Variants in RTN4IP1 observed in about 807,000 individuals in gnomAD.
The protein encoded by RTN4IP1 is reticulon 4 interacting protein 1.
RTN4IP1 carries 32 observed loss-of-function variants against 46.6 expected under a neutral mutation model. That is an observed-to-expected ratio of 0.69 (90% CI 0.52 to 0.92). RTN4IP1 has a LOEUF of 0.92. Among genes scored for constraint, RTN4IP1 ranks in the 40% least tolerant of loss-of-function variants. RTN4IP1 has a pLI of 0.00. For synonymous variants in RTN4IP1, 167 were observed against 161.8 expected (o/e 1.03, Z -0.24); for missense variants, 424 against 485.8 (o/e 0.87, Z 1.20).
chr6:106,616,407 G>T (rs1218475996), intron 4 of RTN4IP1, among the ~76,000 whole-genome samples: 1 of 152,098 alleles, frequency 6.6e-6, no homozygotes, highest in Non-Finnish European at 1.5e-5. Flanking sequence ...TAAGCTGTTT[G>T]TTATAAAGAA....
intron 8 of RTN4IP1, among the ~76,000 whole-genome samples, chr6:106,582,488 T>C (rs1775393097): frequency 6.6e-6 from 1 of 152,256 alleles, no homozygotes; most frequent in Non-Finnish European, 1.5e-5. Flanking sequence ...TCTGCAAGTT[T>C]GAGCATGCCC....
intron 7 of RTN4IP1, among the ~76,000 whole-genome samples, chr6:106,585,413 CAGA>C (rs149982669): frequency 0.02 from 3,119 of 152,292 alleles, 112 homozygotes; most frequent in African/African-American, 0.07. Flanking sequence ...ATGACAATCA[CAGA>C]AGATCTGTTC....
intron 4 of RTN4IP1, among the ~76,000 whole-genome samples, chr6:106,618,196 C>T (rs546782406): frequency 1.5e-3 from 230 of 152,168 alleles, no homozygotes; most frequent in African/African-American, 5.3e-3. Context: ...TATCACCGAA[C>T]ACATTAAATG....
rs190777968 is a variant in RTN4IP1 at position 106,591,051 on chromosome 6, C to T, written c.806+1113G>A. 5.3e-5 allele frequency among the ~76,000 whole-genome samples: 8 copies of T among 152,332 alleles called. No homozygotes were observed. The East Asian group carries it at 1.5e-3, about 29-fold the overall frequency. ...TGGAGGGATACAGCAGGGAGCAACA[C>T]ACAAACACACAAATCCCATTCATTT... On this transcript the variant is annotated intron_variant, in intron 6 of 8. Transcript: ENST00000369063.
At chr6:106,624,328 A>T (rs1776575172) in intron 1 of RTN4IP1, among the ~76,000 whole-genome samples, 1 of 152,072 alleles carries the variant, frequency 6.6e-6, no homozygotes, top group East Asian at 1.9e-4. Context: ...TGCTGGGATT[A>T]CAGGTGTAAG....
At chr6:106,602,116 A>G (rs1040518076) in intron 5 of RTN4IP1, among the ~76,000 whole-genome samples, 2 of 152,174 alleles carry the variant, frequency 1.3e-5, no homozygotes, top group Admixed American at 6.5e-5. Context: ...CCATTGATCT[A>G]TAAGTTCACC....
At chr6:106,584,045 T>A (rs564975642) in intron 7 of RTN4IP1, among the ~76,000 whole-genome samples, 1 of 152,320 alleles carries the variant, frequency 6.6e-6, no homozygotes, top group African/African-American at 2.4e-5. Context: ...CAAATGAAGA[T>A]GAGTACAAAT....
chr6:106,623,042 G>A, intron 1 of RTN4IP1, 73 bp from the exon 2 acceptor site: 1 of 1,443,110 alleles, frequency 6.9e-7, no homozygotes, highest in Non-Finnish European at 9.5e-7. Flanking sequence ...CAGGGTTATA[G>A]TCCAGTACAA....
chr6:106,606,628 T>C (rs1215035723), intron 4 of RTN4IP1, among the ~76,000 whole-genome samples: 4 of 151,818 alleles, frequency 2.6e-5, no homozygotes, highest in Non-Finnish European at 5.9e-5. Context: ...CAAAGAGGGC[T>C]AGGCACGGTG....
At chr6:106,604,322 G>T (rs1776009562) in intron 4 of RTN4IP1, among the ~76,000 whole-genome samples, 1 of 152,096 alleles carries the variant, frequency 6.6e-6, no homozygotes, top group East Asian at 1.9e-4. Context: ...CTTCCAAATT[G>T]TGTTCCTTCT....
At chr6:106,573,431 G>A (rs998579974) in intron 8 of RTN4IP1, among the ~76,000 whole-genome samples, 10 of 152,310 alleles carry the variant, frequency 6.6e-5, no homozygotes, top group Admixed American at 2.6e-4. Flanking sequence ...CACCAGAAGA[G>A]CATCTTAGAC....
chr6:106,581,451 G>A (rs192548374), intron 8 of RTN4IP1, among the ~76,000 whole-genome samples: 2 of 152,208 alleles, frequency 1.3e-5, no homozygotes, highest in African/African-American at 4.8e-5. Context: ...AATTTCCCAG[G>A]ATAAAAAGGC....
chr6:106,575,261 GAC>G (rs1311599559), intron 8 of RTN4IP1, among the ~76,000 whole-genome samples: 2 of 152,214 alleles, frequency 1.3e-5, no homozygotes, highest in Non-Finnish European at 2.9e-5. Context: ...CCACTGCGCA[GAC>G]ACACGAGGCT....
chr6:106,612,817 T>A (rs1420034413), intron 4 of RTN4IP1, among the ~76,000 whole-genome samples: 6 of 152,104 alleles, frequency 3.9e-5, no homozygotes, highest in Admixed American at 2.0e-4. Context: ...TCAGAATTAG[T>A]TTAGTCTGTG....
chr6:106,605,824 A>C (rs1479342239), intron 4 of RTN4IP1, among the ~76,000 whole-genome samples: 29 of 15,694 alleles, frequency 1.8e-3, no homozygotes, highest in South Asian at 0.014. Context: ...CCCAAAAAAA[A>C]AAAAAAAAAA....
chr6:106,572,915 G>A (rs1249667574), intron 8 of RTN4IP1, among the ~76,000 whole-genome samples: 1 of 152,182 alleles, frequency 6.6e-6, no homozygotes, highest in Middle Eastern at 3.2e-3. Flanking sequence ...TAGACATACA[G>A]TAGGAGCTTC....
At chr6:106,597,048 T>A (rs914632812) in intron 5 of RTN4IP1, among the ~76,000 whole-genome samples, 2 of 152,140 alleles carry the variant, frequency 1.3e-5, no homozygotes, top group Non-Finnish European at 2.9e-5. Context: ...TTCCAAAGGA[T>A]CTTATTTCTT....
At chr6:106,600,146 G>C (rs1038470552) in intron 5 of RTN4IP1, among the ~76,000 whole-genome samples, 9 of 152,024 alleles carry the variant, frequency 5.9e-5, no homozygotes, top group Non-Finnish European at 1.2e-4. Context: ...GCACCATCTG[G>C]GTTCTCAAAA....
At chr6:106,574,154 A>C (rs149570997) in intron 8 of RTN4IP1, among the ~76,000 whole-genome samples, 1,668 of 152,242 alleles carry the variant, frequency 0.011, 39 homozygotes, top group African/African-American at 0.037. Flanking sequence ...GAATGCATTG[A>C]TGTTTCTCGG....
Sources: gnomAD v4.1 joint callset for allele counts (sites outside exome capture counted in the v4.1 genomes callset) on GRCh38, gnomAD v4.1.1 for gene constraint, MANE v1.5 for transcripts, NCBI Gene and HGNC (gene_info 2026-07-23, HGNC 2026-07-21) for gene names.